The following GARRE1 variants were observed in gnomAD, a reference collection of about 807,000 sequenced individuals.
GARRE1 encodes the protein granule associated Rac and RHOG effector protein 1.
A neutral mutation model predicts 103.2 loss-of-function variants in GARRE1; 49 were observed. The observed-to-expected ratio is 0.47, with a 90% CI of 0.38 to 0.60. The LOEUF (loss-of-function observed/expected upper bound fraction) is 0.60, where lower values mean the gene tolerates loss of function less well. Ranked by LOEUF, GARRE1 falls within the 20% of genes least tolerant of loss-of-function variation. The pLI, the probability that GARRE1 is intolerant of heterozygous loss-of-function variation, is 0.00. For synonymous variants in GARRE1, 505 were observed against 532.8 expected, an observed-to-expected ratio of 0.95 and a Z score of 0.72; for missense variants, 1,199 against 1,370.5, an observed-to-expected ratio of 0.87 and a Z score of 1.98.
In GARRE1 at chr19:34,255,046, TG is replaced by T. The variant is rs990723152; in HGVS notation, c.-796+436del. 4.4e-3 allele frequency among the ~76,000 whole-genome samples: 667 copies of T among 151,918 alleles called. 1 individual carries two copies. The highest frequency in any genetic ancestry group is 0.015 in the African/African-American group (635 of 41,518). On this transcript the variant is annotated intron_variant, in intron 1 of 13. Transcript: ENST00000299505. ...CGGCCTGCTGGCGGCAGGGGTCCGC[TG>T]GGGCTAGCCGGGGAGGCGGCCCTCA... is the stretch of plus-strand genomic sequence containing the variant.
intron 1 of GARRE1, among the ~76,000 whole-genome samples, chr19:34,289,295 T>C (rs536212343): frequency 4.9e-4 from 74 of 152,168 alleles, no homozygotes; most frequent in African/African-American, 1.8e-3. Flanking sequence ...TAGCTGGGCT[T>C]GGTGATGCAT....
intron 1 of GARRE1, among the ~76,000 whole-genome samples, chr19:34,260,411 T>TC (rs2073709925): frequency 6.6e-6 from 1 of 152,238 alleles, no homozygotes; most frequent in Admixed American, 6.5e-5. Flanking sequence ...CTTGAAATGA[T>TC]CTGGAATGAC....
At chr19:34,349,778 G>A (rs765912807) in intron 12 of GARRE1, among the ~76,000 whole-genome samples, 3 of 152,302 alleles carry the variant, frequency 2.0e-5, no homozygotes, top group East Asian at 1.9e-4. Flanking sequence ...GTGGGAGGCC[G>A]GGTTACTTGG....
chr19:34,277,779 ATAG>A (rs1351683616), intron 1 of GARRE1, among the ~76,000 whole-genome samples: 1 of 152,150 alleles, frequency 6.6e-6, no homozygotes, highest in Non-Finnish European at 1.5e-5. Context: ...TTGCAAAATA[ATAG>A]TTTTCCTAGC....
At chr19:34,279,092 T>G (rs1018818402) in intron 1 of GARRE1, among the ~76,000 whole-genome samples, 6 of 152,254 alleles carry the variant, frequency 3.9e-5, no homozygotes. Flanking sequence ...AATGCTTCGG[T>G]GAACATGGGT....
chr19:34,257,212 A>G (rs2073679078), intron 1 of GARRE1, among the ~76,000 whole-genome samples: 1 of 151,436 alleles, frequency 6.6e-6, no homozygotes, highest in Non-Finnish European at 1.5e-5. Flanking sequence ...ATTTTAGTAA[A>G]TGTTTGTTCT....
rs560154694 is a variant in GARRE1, at chr19:34,346,288, C to T, written c.2522-1589C>T. 3.3e-5 allele frequency among the ~76,000 whole-genome samples: 5 copies of T among 152,228 alleles called. No homozygotes were observed. In the South Asian group the frequency reaches 6.2e-4, roughly 19 times the overall value. The stretch of plus-strand genomic sequence containing the variant: ...TGTTTTTTTTGACACTTTCTGTAAA[C>T]GCCATCTGTGCTTTTCTCCCATTTG... On this transcript the variant is annotated intron_variant, in intron 10 of 13. Transcript: ENST00000299505.
chr19:34,278,828 T>G (rs1280379631), intron 1 of GARRE1, among the ~76,000 whole-genome samples: 6 of 152,024 alleles, frequency 3.9e-5, no homozygotes, highest in Admixed American at 2.6e-4. Flanking sequence ...TGCACCATAA[T>G]GCCAAGCTAA....
intron 2 of GARRE1, among the ~76,000 whole-genome samples, chr19:34,310,345 C>G (rs1029811499): frequency 1.3e-5 from 2 of 152,200 alleles, no homozygotes; most frequent in Non-Finnish European, 2.9e-5. Context: ...TGAGGCCAGC[C>G]CATGTATGGG....
intron 1 of GARRE1, among the ~76,000 whole-genome samples, chr19:34,290,758 A>G (rs1469967758): frequency 1.3e-5 from 2 of 150,986 alleles, no homozygotes; most frequent in Non-Finnish European, 2.9e-5. Context: ...CAAAGCGTTG[A>G]GATTACTGTT....
chr19:34,320,203 A>G, intron 3 of GARRE1, 87 bp downstream of exon 3: 1 of 1,057,780 alleles, frequency 9.5e-7, no homozygotes, highest in South Asian at 1.4e-5. Context: ...CAAAACAGCC[A>G]TTTCATTTAG....
chr19:34,289,448 C>A (rs1028799009), intron 1 of GARRE1, among the ~76,000 whole-genome samples: 2 of 145,312 alleles, frequency 1.4e-5, no homozygotes, highest in Non-Finnish European at 3.0e-5. Context: ...TCTCCAAGGC[C>A]AGGCATGGTG....
At chr19:34,328,797 G>A (rs775347042) in intron 6 of GARRE1, among the ~76,000 whole-genome samples, 3 of 151,870 alleles carry the variant, frequency 2.0e-5, no homozygotes, top group Non-Finnish European at 2.9e-5. Context: ...TAGTAGAGAC[G>A]GGGTTTTACT....
rs780868708 is a variant in GARRE1, at chr19:34,328,104, G to A, written c.1057G>A (p.Gly353Ser). Residue 353 changes from glycine to serine, a missense_variant, in exon 6 of 14, where the codon GGC (glycine) becomes AGC (serine). Gly to Ser is a moderately conservative substitution (Grantham distance 56). Coordinates refer to ENST00000299505, the MANE Select transcript of GARRE1 (RefSeq NM_014686.5). ...GCAGATAGGATCGCACTTCCTGAAG[G>A]GCGTCTCCTTTAATGAGTCGGCCGC... is the stretch of plus-strand genomic sequence containing the variant. ...PVQIGSHFLK[G>S]VSFNESAADN... The A allele has an allele frequency of 1.2e-6, 2 of 1,614,140 alleles. No individual in the cohort carries two copies. The highest frequency in any genetic ancestry group is 1.7e-6 in the Non-Finnish European group (2 of 1,180,028).
intron 1 of GARRE1, among the ~76,000 whole-genome samples, chr19:34,287,886 CA>C (rs2073896320): frequency 6.6e-6 from 1 of 152,190 alleles, no homozygotes; most frequent in African/African-American, 2.4e-5. Context: ...GATACCATCA[CA>C]ATGGGAATTA....
rs1270163999 is a variant in GARRE1, at chr19:34,352,997, C to T, written c.*42C>T. 1 of 1,477,712 alleles carries T rather than the reference C, an allele frequency of 6.8e-7. No individual in the cohort carries two copies. The highest frequency in any genetic ancestry group is 2.5e-5 in the East Asian group (1 of 40,048). The allele number at this position is 1,477,712 out of a possible 1,614,324, so 91.5% of individuals were successfully genotyped here. On this transcript the variant is annotated 3_prime_UTR_variant, in exon 14 of 14. Coordinates refer to ENST00000299505, the MANE Select transcript of GARRE1 (RefSeq NM_014686.5). ...CTGCCTGCCTGCCTGCCTGCCCGCC[C>T]AGAGCTGTGGGGATGAGTGTCCCCA...
In GARRE1 at chr19:34,352,939, A is replaced by T. The variant is rs1306098163; in HGVS notation, c.3197A>T (p.Tyr1066Phe). The T allele has an allele frequency of 2.6e-6, 4 of 1,548,238 alleles. No homozygotes were observed. Among genetic ancestry groups the T allele is most frequent in the Non-Finnish European group, 2.6e-6 (3 of 1,147,630 alleles). ...FPGKGERRPA[Y>F]LPQY ...GGGAAGGGTGAGCGCAGGCCAGCCT[A>T]TCTGCCCCAGTACTGACCCCAGGCC... The change falls in exon 14 of 14, where the codon TAT becomes TTT. Residue 1066 changes from tyrosine to phenylalanine, a missense_variant. Transcript: ENST00000299505.
intron 7 of GARRE1, 80 bp from the exon 8 acceptor site, chr19:34,333,624 A>ATGTAT (rs2074147068): frequency 6.0e-6 from 5 of 836,922 alleles, no homozygotes; most frequent in Non-Finnish European, 9.6e-6. Context: ...GAGTCATTTT[A>ATGTAT]TGTATTGGAT....
At chr19:34,341,300 A>T in intron 9 of GARRE1, 122 bp from the exon 10 acceptor site, 1 of 768,134 alleles carries the variant, frequency 1.3e-6, no homozygotes, top group African/African-American at 1.8e-5. Context: ...AAAATAAGTG[A>T]ACCCGATACC....
Sources: gnomAD v4.1 joint callset for allele counts (sites outside exome capture counted in the v4.1 genomes callset) on GRCh38, gnomAD v4.1.1 for gene constraint, MANE v1.5 for transcripts, NCBI Gene and HGNC (gene_info 2026-07-23, HGNC 2026-07-21) for gene names.